Variants in TNNT2 observed in about 807,000 individuals in gnomAD.
TNNT2 encodes troponin T2, cardiac type, also known as troponin T, cardiac muscle.
TNNT2 carries 34 observed loss-of-function variants against 62.4 expected under a neutral mutation model. That is an observed-to-expected ratio of 0.54 (90% confidence interval 0.41 to 0.72). The LOEUF (loss-of-function observed/expected upper bound fraction) is 0.72. Among genes scored for constraint, TNNT2 ranks in the 30% least tolerant of loss-of-function variants. TNNT2 has a pLI of 0.00. For synonymous variants in TNNT2, 123 were observed against 127.2 expected, an observed-to-expected ratio of 0.97 and a Z score of 0.22; for missense variants, 275 against 381.9, an observed-to-expected ratio of 0.72 and a Z score of 2.33.
chr1:201,365,438 T>C, intron 9 of TNNT2, 131 bp from the exon 10 acceptor site: 1 of 1,183,230 alleles, frequency 8.5e-7, no homozygotes, highest in Non-Finnish European at 1.3e-6. Flanking sequence ...AGGGAAGGGG[T>C]AACTGTGGCC....
chr1:201,363,521 G>T, intron 11 of TNNT2, 115 bp from the exon 12 acceptor site: 1 of 964,532 alleles, frequency 1.0e-6, no homozygotes, highest in East Asian at 2.4e-5. Context: ...CGCTCAGCAA[G>T]GAGCTTTCTG....
intron 8 of TNNT2, chr1:201,366,401 G>A (rs1424023875): frequency 1.2e-5 from 13 of 1,066,660 alleles, no homozygotes; most frequent in East Asian, 1.5e-4. Context: ...TGGGCTTCAC[G>A]TGTGTGGCAC....
chr1:201,372,251 G>A lies in TNNT2; in HGVS notation c.42-96C>T, dbSNP rs45586136. 6.8e-4 allele frequency: 1,073 copies of A among 1,569,452 alleles called. 6 individuals are homozygous for A. In the African/African-American group the frequency reaches 0.013, roughly 19 times the overall value. On this transcript the variant is annotated intron_variant, in intron 2 of 16. Transcript: ENST00000656932. ...ATGCACACACTGGCCTTTCCCCAAA[G>A]ATAATCCCCCTTTCTTTTCCCTTGT...
chr1:201,366,540 T>G, intron 8 of TNNT2: 1 of 1,298,764 alleles, frequency 7.7e-7, no homozygotes, highest in Non-Finnish European at 9.8e-7. Context: ...AGGAGGGTGT[T>G]CTGGCCATAC....
intron 5 of TNNT2, 40 bp downstream of exon 5, chr1:201,369,776 C>G (rs1660334326): frequency 6.2e-7 from 1 of 1,613,428 alleles, no homozygotes; most frequent in African/African-American, 1.3e-5. Context: ...CTTGGGACAG[C>G]AGGCAGCAGA....
intron 11 of TNNT2, chr1:201,363,889 C>CTTTTTT: frequency 5.8e-6 from 1 of 171,050 alleles, no homozygotes; most frequent in Non-Finnish European, 1.1e-5. Context: ...CTTTTTTTTC[C>CTTTTTT]TTTTTTTTTT....
chr1:201,364,228 G>C, intron 11 of TNNT2, 70 bp downstream of exon 11: 1 of 1,463,356 alleles, frequency 6.8e-7, no homozygotes, highest in South Asian at 1.2e-5. Context: ...TGAATAGAGA[G>C]GGGCCTGGGG....
chr1:201,370,682 T>A (rs567054562), intron 4 of TNNT2, among the ~76,000 whole-genome samples: 49 of 152,276 alleles, frequency 3.2e-4, no homozygotes, highest in African/African-American at 1.1e-3. Context: ...GCAAGGCAGA[T>A]GCTACACGGC....
rs1660736093 is a variant in TNNT2 at position 201,372,230 on chromosome 1, A to T, written c.42-75T>A. 2.5e-6 allele frequency: 4 copies of T among 1,601,856 alleles called. No homozygotes were observed. In the Admixed American group the frequency reaches 5.0e-5, roughly 20 times the overall value. ...AACACACACGCCTGCACACACATGC[A>T]CACACTGGCCTTTCCCCAAAGATAA... On this transcript the variant is annotated intron_variant, in intron 2 of 16. Transcript: ENST00000656932.
chr1:201,369,906 G>A (rs753591259), intron 4 of TNNT2, 61 bp from the exon 5 acceptor site: 2 of 1,605,612 alleles, frequency 1.2e-6, no homozygotes, highest in Non-Finnish European at 8.5e-7. Context: ...TCTGGGAGCA[G>A]AGAGCCCGCG....
At chr1:201,360,281 G>T (rs1365675960) in intron 15 of TNNT2, among the ~76,000 whole-genome samples, 2 of 152,228 alleles carry the variant, frequency 1.3e-5, no homozygotes, top group Non-Finnish European at 2.9e-5. Context: ...AACCCATAGG[G>T]CTGCTATGAG....
chr1:201,364,661 T>C (rs979670891), intron 10 of TNNT2, among the ~76,000 whole-genome samples: 2 of 152,182 alleles, frequency 1.3e-5, no homozygotes, highest in African/African-American at 4.8e-5. Flanking sequence ...CCCACCTCCA[T>C]CCCACCCTGC....
intron 11 of TNNT2, chr1:201,363,778 A>G: frequency 3.0e-6 from 1 of 333,926 alleles, no homozygotes; most frequent in South Asian, 3.4e-5. Context: ...CTTATAAAAT[A>G]ACACGTTCAT....
chr1:201,372,248 A>G (rs1660740484), intron 2 of TNNT2, 93 bp from the exon 3 acceptor site: 5 of 1,575,752 alleles, frequency 3.2e-6, no homozygotes, highest in Admixed American at 1.7e-5. Flanking sequence ...GCCTTTCCCC[A>G]AAGATAATCC....
chr1:201,365,516 C>A, intron 9 of TNNT2, 94 bp downstream of exon 9: 1 of 1,433,820 alleles, frequency 7.0e-7, no homozygotes, highest in Non-Finnish European at 9.8e-7. Context: ...CCCACCTATG[C>A]TCTACCCCAG....
intron 13 of TNNT2, 179 bp from the exon 14 acceptor site, chr1:201,362,201 G>C (rs1467882557): frequency 2.4e-6 from 3 of 1,237,020 alleles, no homozygotes; most frequent in African/African-American, 1.5e-5. Context: ...CTGAGGTAGG[G>C]GCAAGAAGGA....
intron 1 of TNNT2, chr1:201,375,518 C>G (rs12563097): frequency 0.08 from 12,110 of 152,208 alleles, 980 homozygotes; most frequent in African/African-American, 0.21. Flanking sequence ...TGCTATAATG[C>G]GGGATCAAGC....
In TNNT2 at chr1:201,372,170, A is replaced by C; in HGVS notation, c.42-15T>G. On this transcript the variant is annotated splice_polypyrimidine_tract_variant and intron_variant, in intron 2 of 16. Transcript: ENST00000656932. ...CTTCCTGCTCCCTGAGAGCAACAGGAAACACTGTCAGTAGCTCGCACACAA... is the reference window on the plus strand; with the variant it reads ...CTTCCTGCTCCCTGAGAGCAACAGGCAACACTGTCAGTAGCTCGCACACAA... The C allele has an allele frequency of 8.7e-6, 14 of 1,614,170 alleles. No homozygotes were observed. The highest frequency in any genetic ancestry group is 1.2e-5 in the Non-Finnish European group (14 of 1,180,034).
chr1:201,364,266 G>A (rs965560925), intron 11 of TNNT2, 32 bp downstream of exon 11: 1 of 1,601,414 alleles, frequency 6.2e-7, no homozygotes, highest in East Asian at 2.2e-5. Context: ...AGCATGGGGG[G>A]CCTCCATGGG....
Sources: allele counts gnomAD v4.1 joint callset (sites outside exome capture counted in the v4.1 genomes callset), GRCh38; gene constraint gnomAD v4.1.1; transcripts MANE v1.5; gene names NCBI Gene and HGNC (gene_info 2026-07-23, HGNC 2026-07-21).